Variants in TSNARE1 observed in about 807,000 individuals in gnomAD.
TSNARE1 encodes t-SNARE domain-containing protein 1.
In TSNARE1, 49 loss-of-function variants were observed where a neutral mutation model predicts 62.0. The ratio of observed to expected loss-of-function variants is 0.79; its 90% CI spans 0.63 to 1.00. TSNARE1 has a LOEUF of 1.00. Ranked by LOEUF, TSNARE1 falls within the 50% of genes least tolerant of loss-of-function variation. TSNARE1 has a pLI of 0.00. For missense variants in TSNARE1, 755 were observed against 700.1 expected, an observed-to-expected ratio of 1.08 and a Z score of -0.88; for synonymous variants, 328 against 294.4, an observed-to-expected ratio of 1.11 and a Z score of -1.17.
At chr8:142,366,385 T>A (rs116909360) in intron 1 of TSNARE1, among the ~76,000 whole-genome samples, 1 of 152,132 alleles carries the variant, frequency 6.6e-6, no homozygotes, top group Non-Finnish European at 1.5e-5. Context: ...AAATTACAAA[T>A]GAATGTTATA....
At chr8:142,261,935 G>A (rs1818912420) in intron 12 of TSNARE1, among the ~76,000 whole-genome samples, 1 of 152,196 alleles carries the variant, frequency 6.6e-6, no homozygotes, top group African/African-American at 2.4e-5. Flanking sequence ...CAGCTGCCCA[G>A]GGCATCTCCC....
chr8:142,398,627 G>A (rs182143703), intron 1 of TSNARE1, among the ~76,000 whole-genome samples: 1 of 152,326 alleles, frequency 6.6e-6, no homozygotes, highest in Admixed American at 6.5e-5. Flanking sequence ...AGTGTCCGGA[G>A]CAAGGCCAGG....
chr8:142,358,493 C>A (rs537135140), intron 1 of TSNARE1, among the ~76,000 whole-genome samples: 1 of 151,894 alleles, frequency 6.6e-6, no homozygotes, highest in East Asian at 1.9e-4. Flanking sequence ...TCCGGCCAGG[C>A]ACATGGAGGG....
intron 1 of TSNARE1, among the ~76,000 whole-genome samples, chr8:142,379,441 T>C (rs907910481): frequency 5.3e-5 from 8 of 152,204 alleles, no homozygotes; most frequent in Non-Finnish European, 1.2e-4. Flanking sequence ...CCAGAGGTGC[T>C]TGTCTGGGAA....
At chr8:142,254,540 C>T (rs1453081871) in intron 12 of TSNARE1, among the ~76,000 whole-genome samples, 2 of 152,216 alleles carry the variant, frequency 1.3e-5, no homozygotes, top group Non-Finnish European at 2.9e-5. Context: ...CTTGCTTCAC[C>T]TCTCATGTTC....
chr8:142,277,907 CCTT>C, intron 11 of TSNARE1: 1 of 985,338 alleles, frequency 1.0e-6, no homozygotes, highest in South Asian at 4.7e-5. Flanking sequence ...CCAGGCCCCT[CCTT>C]CTCAGCCCCA....
chr8:142,391,486 A>AG (rs1159516067), intron 1 of TSNARE1, among the ~76,000 whole-genome samples: 3 of 152,232 alleles, frequency 2.0e-5, no homozygotes. Flanking sequence ...GCAGGTGACA[A>AG]GAAGGAAGGA....
chr8:142,251,136 T>C (rs1563776898), intron 12 of TSNARE1, among the ~76,000 whole-genome samples: 1 of 152,038 alleles, frequency 6.6e-6, no homozygotes, highest in Non-Finnish European at 1.5e-5. Context: ...GGCAGGCAAG[T>C]GAGGAGTTCC....
At chr8:142,253,294 A>G (rs1818267359) in intron 12 of TSNARE1, among the ~76,000 whole-genome samples, 1 of 152,202 alleles carries the variant, frequency 6.6e-6, no homozygotes, top group Admixed American at 6.5e-5. Flanking sequence ...ACAAGCAACA[A>G]GCGAGGCACA....
intron 10 of TSNARE1, 172 bp downstream of exon 10, chr8:142,300,314 G>A: frequency 1.5e-6 from 1 of 687,978 alleles, no homozygotes; most frequent in Admixed American, 3.1e-5. Flanking sequence ...TCCCTTATTG[G>A]ACCAGATGGC....
chr8:142,299,468 G>A (rs972448322), intron 10 of TSNARE1, among the ~76,000 whole-genome samples: 1 of 152,242 alleles, frequency 6.6e-6, no homozygotes, highest in African/African-American at 2.4e-5. Flanking sequence ...GAGGTGGCCA[G>A]AGGAAGGGAA....
intron 1 of TSNARE1, among the ~76,000 whole-genome samples, chr8:142,361,106 C>T (rs752752929): frequency 4.6e-5 from 7 of 152,244 alleles, no homozygotes; most frequent in Non-Finnish European, 8.8e-5. Context: ...CCAGCTCTCC[C>T]GCCCCTGGTT....
intron 2 of TSNARE1, among the ~76,000 whole-genome samples, chr8:142,352,243 C>T (rs1014466023): frequency 2.0e-5 from 3 of 152,350 alleles, no homozygotes; most frequent in Non-Finnish European, 4.4e-5. Flanking sequence ...ACAGTGCTCA[C>T]TGGCAGGAAG....
In TSNARE1 at chr8:142,272,525, CTCCT is replaced by C. The variant is rs552948855; in HGVS notation, c.1446+2252_1446+2255del. ...CCATCCACCACCCGTCTACAGCTTC[CTCCT>C]TCCATCTACCCACCTGTCTACACCT... is the stretch of plus-strand genomic sequence containing the variant. On this transcript the variant is annotated intron_variant, in intron 12 of 13. Transcript: ENST00000524325. 1.4e-4 allele frequency: 50 copies of C among 357,260 alleles called. 1 individual carries two copies. In the South Asian group the frequency reaches 3.4e-3, roughly 24 times the overall value. 22.1% of individuals were successfully genotyped at this position (357,260 alleles called of 1,614,324 possible).
At chr8:142,386,810 A>G (rs2131302371) in intron 1 of TSNARE1, among the ~76,000 whole-genome samples, 1 of 152,362 alleles carries the variant, frequency 6.6e-6, no homozygotes, top group African/African-American at 2.4e-5. Flanking sequence ...ATCACATAGC[A>G]GCCAACACTC....
intron 9 of TSNARE1, among the ~76,000 whole-genome samples, chr8:142,308,816 C>A (rs978342245): frequency 6.6e-6 from 1 of 152,106 alleles, no homozygotes; most frequent in African/African-American, 2.4e-5. Flanking sequence ...CCTGCTGGAA[C>A]CTTATTGGGA....
intron 12 of TSNARE1, among the ~76,000 whole-genome samples, chr8:142,260,233 A>G (rs1586884285): frequency 6.6e-6 from 1 of 152,174 alleles, no homozygotes; most frequent in East Asian, 1.9e-4. Context: ...TACAGGGAAG[A>G]AAGTAGAAAA....
intron 6 of TSNARE1, among the ~76,000 whole-genome samples, chr8:142,330,388 C>A (rs1373176482): frequency 1.3e-5 from 2 of 152,174 alleles, no homozygotes; most frequent in Non-Finnish European, 2.9e-5. Context: ...CCACTGGGCA[C>A]CCCTCAAGGA....
Position 142,291,669 on chromosome 8 carries a change from T to C in TSNARE1, c.1291-7184A>G, listed in dbSNP as rs1212097188. ...CGCCGTTGCCTCCGCGGGCTTACGCTCGAGTGGCGAGAGATGAATCCTAAC... is the reference window on the plus strand; with the variant it reads ...CGCCGTTGCCTCCGCGGGCTTACGCCCGAGTGGCGAGAGATGAATCCTAAC... On this transcript the variant is annotated intron_variant, in intron 10 of 13. Transcript: ENST00000524325. This position sits in a 1 kb window ranked among gnomAD's most constrained non-coding sequence, Gnocchi z 4.8. Among the ~76,000 whole-genome samples the C allele has an allele frequency of 4.6e-5, 7 of 152,192 alleles. No homozygotes were observed. The highest frequency in any genetic ancestry group is 1.7e-4 in the African/African-American group (7 of 41,544).
Sources: allele counts gnomAD v4.1 joint callset (sites outside exome capture counted in the v4.1 genomes callset), GRCh38; gene constraint gnomAD v4.1.1; non-coding constraint Gnocchi (gnomAD v3.1); transcripts MANE v1.5; gene names NCBI Gene and HGNC (gene_info 2026-07-23, HGNC 2026-07-21).